The following NXN variants were observed in gnomAD, a reference collection of about 807,000 sequenced individuals.
NXN encodes nucleoredoxin 1.
NXN carries 16 observed loss-of-function variants against 48.6 expected under a neutral mutation model. That is an observed-to-expected ratio of 0.33 (90% CI 0.22 to 0.50). NXN has a LOEUF of 0.50. NXN is among the 20% of genes least tolerant of loss of function. NXN has a pLI of 0.98. For synonymous variants in NXN, 281 were observed against 269.6 expected (o/e 1.04, Z -0.41); for missense variants, 492 against 605.5 (o/e 0.81, Z 1.97).
At chr17:918,559 G>A (rs748205586) in intron 1 of NXN, among the ~76,000 whole-genome samples, 7 of 152,250 alleles carry the variant, frequency 4.6e-5, no homozygotes, top group Middle Eastern at 3.4e-3. Context: ...AAGTGAGGCC[G>A]AGGCGGGCGG....
At position 920,353 on chromosome 17, in the gene NXN, G is replaced by C. The variant is rs2068733918; in HGVS notation, c.360+58966C>G. Among the ~76,000 whole-genome samples, 1 of 152,138 alleles carries C rather than the reference G, an allele frequency of 6.6e-6. No individual in the cohort carries two copies. The highest frequency in any genetic ancestry group is 2.1e-4 in the South Asian group (1 of 4,828). ...AAGGGGGCCGATGAGGTGCCCATGT[G>C]GCTCTCCTCCCAGCCCCGAGCGCCT... On this transcript the variant is annotated intron_variant, in intron 1 of 7. Coordinates refer to ENST00000336868, the MANE Select transcript of NXN (RefSeq NM_022463.5). The surrounding 1 kb of genome is among the most constrained non-coding windows in gnomAD (Gnocchi z 4.6).
chr17:819,146 C>T (rs1396174902), intron 5 of NXN: 4 of 392,020 alleles, frequency 1.0e-5, no homozygotes, highest in African/African-American at 4.2e-5. Flanking sequence ...CGGGTTTCAC[C>T]GTGTTGTCCA....
intron 1 of NXN, among the ~76,000 whole-genome samples, chr17:943,739 T>C (rs186006812): frequency 0.037 from 5,643 of 151,506 alleles, 147 homozygotes; most frequent in Non-Finnish European, 0.054. Flanking sequence ...ACAGGAGAAC[T>C]GCTTGAACCC....
intron 1 of NXN, among the ~76,000 whole-genome samples, chr17:976,675 TTCTAA>T (rs2069462639): frequency 4.6e-5 from 7 of 152,310 alleles, no homozygotes; most frequent in African/African-American, 1.7e-4. Context: ...GCTCACGGGC[TTCTAA>T]GCACCCTAAC....
chr17:964,831 G>C (rs1226358104), intron 1 of NXN, among the ~76,000 whole-genome samples: 1 of 152,262 alleles, frequency 6.6e-6, no homozygotes, highest in African/African-American at 2.4e-5. Flanking sequence ...TTTGCAGCTA[G>C]TGACTGTCTA....
At chr17:902,251 T>C (rs141759992) in intron 1 of NXN, among the ~76,000 whole-genome samples, 1 of 152,196 alleles carries the variant, frequency 6.6e-6, no homozygotes, top group African/African-American at 2.4e-5. Context: ...GTTCCAGACA[T>C]AAGCCAACGC....
intron 1 of NXN, among the ~76,000 whole-genome samples, chr17:858,363 G>T (rs2068007539): frequency 6.6e-6 from 1 of 152,000 alleles, no homozygotes; most frequent in Admixed American, 6.6e-5. Context: ...AAAAATGTAA[G>T]TAAATGGTAA....
At chr17:832,994 C>A (rs1673212714) in intron 1 of NXN, among the ~76,000 whole-genome samples, 1 of 152,036 alleles carries the variant, frequency 6.6e-6, no homozygotes, top group African/African-American at 2.4e-5. Context: ...GGGTTCACAC[C>A]ATTCTCCTGC....
At chr17:910,000 T>G (rs1272605016) in intron 1 of NXN, 1 of 152,218 alleles carries the variant, frequency 6.6e-6, no homozygotes, top group Non-Finnish European at 1.5e-5. Flanking sequence ...CATGAAATAC[T>G]TCTAACATAA....
chr17:898,068 G>A (rs926159683), intron 1 of NXN, among the ~76,000 whole-genome samples: 1 of 152,192 alleles, frequency 6.6e-6, no homozygotes, highest in Non-Finnish European at 1.5e-5. Flanking sequence ...TAATTTTCAA[G>A]TAACTACCCA....
intron 1 of NXN, among the ~76,000 whole-genome samples, chr17:967,994 A>G (rs972599915): frequency 9.9e-5 from 15 of 152,078 alleles, no homozygotes; most frequent in African/African-American, 3.4e-4. Flanking sequence ...AAATTAGGAG[A>G]CAATCAGGAA....
At chr17:851,872 C>T (rs996626553) in intron 1 of NXN, among the ~76,000 whole-genome samples, 4 of 152,332 alleles carry the variant, frequency 2.6e-5, no homozygotes, top group East Asian at 1.9e-4. Context: ...CTGCGGAAAG[C>T]GGAGGTCGGC....
intron 1 of NXN, among the ~76,000 whole-genome samples, chr17:934,172 G>A (rs28393613): frequency 0.13 from 20,310 of 151,908 alleles, 1,614 homozygotes; most frequent in East Asian, 0.31. Flanking sequence ...GAGGCCGGGC[G>A]CGGTGGCTCA....
chr17:876,667 T>C (rs1414850453), intron 1 of NXN, among the ~76,000 whole-genome samples: 1 of 152,194 alleles, frequency 6.6e-6, no homozygotes, highest in Non-Finnish European at 1.5e-5. Context: ...CACACTAGAA[T>C]ACCATCTTCA....
At chr17:928,891 A>G (rs183149514) in intron 1 of NXN, among the ~76,000 whole-genome samples, 24 of 152,352 alleles carry the variant, frequency 1.6e-4, no homozygotes, top group African/African-American at 5.5e-4. Flanking sequence ...ATGTGCAGAT[A>G]TCAAGAAGAC....
intron 1 of NXN, among the ~76,000 whole-genome samples, chr17:832,674 C>T (rs1913551568): frequency 6.6e-6 from 1 of 152,130 alleles, no homozygotes; most frequent in African/African-American, 2.4e-5. Context: ...TCTCCACAGA[C>T]ATGTCTTTCC....
intron 5 of NXN, among the ~76,000 whole-genome samples, chr17:815,086 A>T (rs1316941571): frequency 6.6e-6 from 1 of 152,214 alleles, no homozygotes. Flanking sequence ...AATTCAGCTG[A>T]GTCTTCTAGG....
At chr17:847,918 T>A (rs1009372142) in intron 1 of NXN, among the ~76,000 whole-genome samples, 1 of 152,126 alleles carries the variant, frequency 6.6e-6, no homozygotes, top group African/African-American at 2.4e-5. Flanking sequence ...GAAATAAATA[T>A]AGGAGTAAAT....
intron 1 of NXN, among the ~76,000 whole-genome samples, chr17:888,295 T>A (rs2068371092): frequency 6.6e-6 from 1 of 152,206 alleles, no homozygotes; most frequent in Non-Finnish European, 1.5e-5. Flanking sequence ...CACAGCTCAC[T>A]GCAACCTCGA....
Sources: allele counts gnomAD v4.1 joint callset (sites outside exome capture counted in the v4.1 genomes callset), GRCh38; gene constraint gnomAD v4.1.1; non-coding constraint Gnocchi (gnomAD v3.1); transcripts MANE v1.5; gene names NCBI Gene and HGNC (gene_info 2026-07-23, HGNC 2026-07-21).